The following SH3PXD2A variants were observed in gnomAD, a reference collection of about 807,000 sequenced individuals.
SH3PXD2A encodes SH3 and PX domain-containing protein 2A.
SH3PXD2A carries 32 observed loss-of-function variants against 115.2 expected under a neutral mutation model. That is an observed-to-expected ratio of 0.28 (90% CI 0.21 to 0.37). The LOEUF (loss-of-function observed/expected upper bound fraction) is 0.37. SH3PXD2A is among the 10% of genes least tolerant of loss of function. The probability of loss-of-function intolerance (pLI) is 1.00; values close to 1 mark genes in which losing one functional copy is unlikely to be tolerated. For missense variants in SH3PXD2A, 1,328 were observed against 1,498.7 expected, an observed-to-expected ratio of 0.89 and a Z score of 1.88; for synonymous variants, 610 against 629.1, an observed-to-expected ratio of 0.97 and a Z score of 0.45.
At chr10:103,697,333 C>A (rs2037837210) in intron 5 of SH3PXD2A, among the ~76,000 whole-genome samples, 1 of 152,188 alleles carries the variant, frequency 6.6e-6, no homozygotes, top group Non-Finnish European at 1.5e-5. Flanking sequence ...TTCTTTCATA[C>A]CTGGGCCCAT....
At position 103,595,056 on chromosome 10, in the gene SH3PXD2A, G is replaced by C. The variant is rs935720722; in HGVS notation, c.*6760C>G. 6.6e-6 allele frequency: 1 copy of C among 152,226 alleles called. No individual in the cohort carries two copies. Among genetic ancestry groups the C allele is most frequent in the African/African-American group, 2.4e-5 (1 of 41,440 alleles). 9.4% of individuals were successfully genotyped at this position (152,226 alleles called of 1,614,324 possible). A position where few individuals can be genotyped will look rare whatever the true frequency, so the allele number is the denominator to read the frequency against. ...AGTCAAAGGGAAGTGGGCAAAACCA[G>C]CTGAGAACCCGGGAGCTGGATGCAT... is the stretch of plus-strand genomic sequence containing the variant. On this transcript the variant is annotated 3_prime_UTR_variant, in exon 15 of 15. Transcript: ENST00000369774.
At chr10:103,805,069 A>G (rs1020752712) in intron 1 of SH3PXD2A, among the ~76,000 whole-genome samples, 45 of 152,182 alleles carry the variant, frequency 3.0e-4, no homozygotes, top group African/African-American at 8.9e-4. Context: ...GACATTAGAC[A>G]TCAGCCTTTC....
At position 103,647,800 on chromosome 10, in the gene SH3PXD2A, G is replaced by A. The variant is rs2037056824; in HGVS notation, c.604+13183C>T. 2.6e-5 allele frequency among the ~76,000 whole-genome samples: 4 copies of A among 152,254 alleles called. No homozygotes were observed. In the South Asian group the frequency reaches 6.2e-4, roughly 24 times the overall value. On this transcript the variant is annotated intron_variant, in intron 8 of 14. Coordinates refer to ENST00000369774, the MANE Select transcript of SH3PXD2A (RefSeq NM_001394015.1). ...GGTTCTGCTCCGGTTATCAATGCTG[G>A]GGAAAGCACACTCCACATAATGCCA...
intron 3 of SH3PXD2A, among the ~76,000 whole-genome samples, chr10:103,743,720 G>A (rs1391727310): frequency 6.6e-6 from 1 of 151,488 alleles, no homozygotes; most frequent in African/African-American, 2.4e-5. Flanking sequence ...AAGAGGGTAT[G>A]CCCTGGGCCC....
chr10:103,608,162 A>AAAAAAGTTTAC (rs2036360019), intron 13 of SH3PXD2A, among the ~76,000 whole-genome samples: 2 of 145,462 alleles, frequency 1.4e-5, no homozygotes, highest in African/African-American at 2.5e-5. Context: ...AAAAAAAAAA[A>AAAAAAGTTTAC]AAAAAAAAGA....
intron 5 of SH3PXD2A, among the ~76,000 whole-genome samples, chr10:103,711,830 G>A (rs958578869): frequency 5.3e-5 from 8 of 152,158 alleles, no homozygotes; most frequent in Non-Finnish European, 1.0e-4. Context: ...CGAGGCGGGA[G>A]GATCGTTTGA....
chr10:103,851,863 C>T (rs61861136), intron 1 of SH3PXD2A, among the ~76,000 whole-genome samples: 2,518 of 152,290 alleles, frequency 0.017, 36 homozygotes, highest in Non-Finnish European at 0.027. Context: ...AGTGCAATAC[C>T]TCCCAAATCC....
intron 7 of SH3PXD2A, among the ~76,000 whole-genome samples, chr10:103,662,349 GGGGC>G (rs1448401010): frequency 4.9e-5 from 4 of 81,546 alleles, no homozygotes; most frequent in African/African-American, 1.7e-4. Context: ...GGCGGGGGGG[GGGGC>G]GGGGGGGGAT....
chr10:103,706,713 G>A (rs750669847), intron 5 of SH3PXD2A, among the ~76,000 whole-genome samples: 1 of 152,154 alleles, frequency 6.6e-6, no homozygotes, highest in Non-Finnish European at 1.5e-5. Flanking sequence ...CTGGTCAGAC[G>A]CTGCTAACAC....
chr10:103,836,060 G>C lies in SH3PXD2A; in HGVS notation c.72+19135C>G, dbSNP rs554993418. On this transcript the variant is annotated intron_variant, in intron 1 of 14. Coordinates refer to ENST00000369774, the MANE Select transcript of SH3PXD2A (RefSeq NM_001394015.1). ...GTGACTCAGCCTTTCTGATTCTCAG[G>C]CCCCTTATCTATAAAGGGGAGAAAC... Among the ~76,000 whole-genome samples the C allele has an allele frequency of 3.9e-5, 6 of 152,248 alleles. No individual in the cohort carries two copies. The East Asian group carries it at 1.2e-3, about 29-fold the overall frequency.
intron 1 of SH3PXD2A, among the ~76,000 whole-genome samples, chr10:103,838,865 A>G (rs910746890): frequency 3.0e-4 from 46 of 152,194 alleles, no homozygotes; most frequent in Non-Finnish European, 5.6e-4. Context: ...TCCCAGTACA[A>G]TCTTTCCAAA....
At chr10:103,806,905 G>T (rs1215675662) in intron 1 of SH3PXD2A, among the ~76,000 whole-genome samples, 1 of 152,144 alleles carries the variant, frequency 6.6e-6, no homozygotes. Flanking sequence ...CATCACCACA[G>T]ACACTGCGTG....
At chr10:103,653,999 G>A (rs181331316) in intron 8 of SH3PXD2A, among the ~76,000 whole-genome samples, 2 of 151,154 alleles carry the variant, frequency 1.3e-5, no homozygotes, top group Non-Finnish European at 2.9e-5. Flanking sequence ...GCCCCACCAC[G>A]CCCTGTACTC....
intron 7 of SH3PXD2A, among the ~76,000 whole-genome samples, chr10:103,663,793 TG>T (rs1229279065): frequency 6.6e-6 from 1 of 152,228 alleles, no homozygotes; most frequent in African/African-American, 2.4e-5. Flanking sequence ...AGAAACCCAC[TG>T]CCCCCCGGCA....
intron 1 of SH3PXD2A, among the ~76,000 whole-genome samples, chr10:103,848,029 C>A (rs958485474): frequency 1.3e-5 from 2 of 151,332 alleles, no homozygotes. Context: ...CACAGACATG[C>A]TGGGCTCCCC....
At chr10:103,741,957 C>T in intron 3 of SH3PXD2A, among the ~76,000 whole-genome samples, 1 of 152,192 alleles carries the variant, frequency 6.6e-6, no homozygotes, top group African/African-American at 2.4e-5. Context: ...CCAGACTAGG[C>T]AACATAGTGA....
intron 1 of SH3PXD2A, among the ~76,000 whole-genome samples, chr10:103,854,851 G>A (rs1279288383): frequency 2.0e-5 from 3 of 152,142 alleles, no homozygotes; most frequent in South Asian, 2.1e-4. Flanking sequence ...GGGGAGGGCC[G>A]AGGAGATGCG....
intron 6 of SH3PXD2A, among the ~76,000 whole-genome samples, chr10:103,677,231 G>A (rs1053238846): frequency 1.1e-4 from 17 of 152,296 alleles, no homozygotes; most frequent in African/African-American, 3.4e-4. Flanking sequence ...GAGCATCAAC[G>A]GCCCCTGGTT....
rs1432725243 is a variant in SH3PXD2A, at chr10:103,750,144, C to CCTACACTTAGGTGG, written c.230-14337_230-14336insCCACCTAAGTGTAG. Among the ~76,000 whole-genome samples the CCTACACTTAGGTGG allele has an allele frequency of 3.9e-5, 6 of 152,036 alleles. No homozygotes were observed. In the East Asian group the frequency reaches 1.2e-3, roughly 29 times the overall value. ...TTTGGCTCACTGTAGCCTCGACCTC[C>CCTACACTTAGGTGG]GAGCCTAAGTGATCCTCCCACCTCA... On this transcript the variant is annotated intron_variant, in intron 3 of 14. Transcript: ENST00000369774.
Sources: allele counts gnomAD v4.1 joint callset (sites outside exome capture counted in the v4.1 genomes callset), GRCh38; gene constraint gnomAD v4.1.1; transcripts MANE v1.5; gene names NCBI Gene and HGNC (gene_info 2026-07-23, HGNC 2026-07-21).